The following FNDC3B variants were observed in gnomAD, a reference collection of about 807,000 sequenced individuals.
FNDC3B encodes fibronectin type III domain-containing protein 3B.
FNDC3B carries 12 observed loss-of-function variants against 151.5 expected under a neutral mutation model. The observed-to-expected ratio is 0.08, with a 90% CI of 0.05 to 0.13. The LOEUF (loss-of-function observed/expected upper bound fraction) is 0.13, where lower values mean the gene tolerates loss of function less well. FNDC3B is among the 10% of genes least tolerant of loss of function. FNDC3B has a pLI of 1.00. For synonymous variants in FNDC3B, 528 were observed against 549.0 expected, an observed-to-expected ratio of 0.96 and a Z score of 0.54; for missense variants, 1,214 against 1,505.3, an observed-to-expected ratio of 0.81 and a Z score of 3.20.
In FNDC3B at chr3:172,344,166, G is replaced by A; in HGVS notation, c.2158G>A (p.Val720Met). 1 of 1,614,212 alleles carries A rather than the reference G, an allele frequency of 6.2e-7. No individual in the cohort carries two copies. The highest frequency in any genetic ancestry group is 8.5e-7 in the Non-Finnish European group (1 of 1,180,026). Residue 720 changes from valine (V) to methionine (M), a missense_variant, in exon 19 of 26, where the codon GTG becomes ATG. By Grantham distance (21) the Val-to-Met change is conservative (BLOSUM62 1). Coordinates refer to ENST00000415807, the MANE Select transcript of FNDC3B (RefSeq NM_022763.4). ...GGAGCCCGAAGACGTAGCCTCGGAA[G>A]TGTACCATGGCCCAGAGCTGGAGTG... ...MTEPEDVASE[V>M]YHGPELECTV...
At chr3:172,346,561 TG>T (rs1733626542) in intron 20 of FNDC3B, 121 bp downstream of exon 20, 5 of 601,690 alleles carry the variant, frequency 8.3e-6, no homozygotes, top group African/African-American at 1.9e-5. Flanking sequence ...TTTTTTTTTT[TG>T]CTCTGTGTAC....
At chr3:172,193,615 C>T (rs1724674793) in intron 3 of FNDC3B, among the ~76,000 whole-genome samples, 1 of 151,472 alleles carries the variant, frequency 6.6e-6, no homozygotes, top group Non-Finnish European at 1.5e-5. Context: ...GCCATCCCCA[C>T]TACTGCTGGA....
chr3:172,301,000 G>A (rs956101260), intron 9 of FNDC3B, among the ~76,000 whole-genome samples: 4 of 152,034 alleles, frequency 2.6e-5, no homozygotes, highest in South Asian at 2.1e-4. Context: ...GAATTGCTTC[G>A]GTGAAGCAGC....
chr3:172,159,815 G>C (rs986942103), intron 3 of FNDC3B, among the ~76,000 whole-genome samples: 2 of 152,196 alleles, frequency 1.3e-5, no homozygotes, highest in Non-Finnish European at 2.9e-5. Flanking sequence ...ACTCGTTTGT[G>C]TATTTTAAGA....
chr3:172,055,030 ACT>A (rs566557177), intron 1 of FNDC3B, among the ~76,000 whole-genome samples: 15 of 152,082 alleles, frequency 9.9e-5, no homozygotes, highest in African/African-American at 2.9e-4. Flanking sequence ...AATTGCTTGG[ACT>A]CTCTTCTCTC....
chr3:172,058,271 G>A (rs1486044199), intron 1 of FNDC3B, among the ~76,000 whole-genome samples: 2 of 148,498 alleles, frequency 1.3e-5, no homozygotes, highest in Non-Finnish European at 3.0e-5. Flanking sequence ...TATTCATTAG[G>A]GTAATCAATT....
chr3:172,290,664 C>T lies in FNDC3B; in HGVS notation c.849+4680C>T, dbSNP rs139532450. 1.6e-4 allele frequency among the ~76,000 whole-genome samples: 24 copies of T among 152,214 alleles called. No homozygotes were observed. In the East Asian group the frequency reaches 4.2e-3, roughly 27 times the overall value. On this transcript the variant is annotated intron_variant, in intron 7 of 25. Transcript: ENST00000415807. ...TTCCAGAAGCGAGTAAACTGACCTG[C>T]GAGGAACACTTCCCCTGTAAGAAGC...
At chr3:172,181,904 T>C (rs1476150623) in intron 3 of FNDC3B, among the ~76,000 whole-genome samples, 2 of 151,780 alleles carry the variant, frequency 1.3e-5, no homozygotes, top group African/African-American at 4.8e-5. Flanking sequence ...GATTTCATTA[T>C]GTAGTCTCAG....
At chr3:172,370,198 A>AT (rs1257521258) in intron 23 of FNDC3B, among the ~76,000 whole-genome samples, 1 of 152,028 alleles carries the variant, frequency 6.6e-6, no homozygotes, top group Admixed American at 6.6e-5. Context: ...ATTATCTCTT[A>AT]TTTTCCATCA....
rs576782068 is a variant in FNDC3B, at chr3:172,325,689, G to GACCAGCACGCTGGC, written c.1255-3261_1255-3248dup. 2.1e-3 allele frequency among the ~76,000 whole-genome samples: 315 copies of GACCAGCACGCTGGC among 152,342 alleles called. 2 individuals are homozygous for GACCAGCACGCTGGC. The highest frequency in any genetic ancestry group is 7.2e-3 in the African/African-American group (299 of 41,578). On this transcript the variant is annotated intron_variant, in intron 11 of 25. Coordinates refer to ENST00000415807, the MANE Select transcript of FNDC3B (RefSeq NM_022763.4). The stretch of plus-strand genomic sequence containing the variant: ...GTCGGAGAGCCTGGCGCAGTAGACA[G>GACCAGCACGCTGGC]ACCAGCACGCTGGCATCGGATCACT...
In FNDC3B at chr3:172,180,888, C is replaced by T. The variant is rs576731601; in HGVS notation, c.188-45983C>T. On this transcript the variant is annotated intron_variant, in intron 3 of 25. Transcript: ENST00000415807. The stretch of plus-strand genomic sequence containing the variant: ...CTTGTAGATCCTGTTTCAGTCTCCT[C>T]AGAAGCGGGAAAAATTGGTATCATT... 3.3e-5 allele frequency among the ~76,000 whole-genome samples: 5 copies of T among 152,070 alleles called. No individual in the cohort carries two copies. The South Asian group carries it at 1.0e-3, about 32-fold the overall frequency.
chr3:172,139,099 G>C (rs979743739), intron 3 of FNDC3B, among the ~76,000 whole-genome samples: 1 of 151,910 alleles, frequency 6.6e-6, no homozygotes, highest in Non-Finnish European at 1.5e-5. Flanking sequence ...CCATGTATGA[G>C]TCAGCATCCA....
At chr3:172,249,872 T>C (rs1727978988) in intron 5 of FNDC3B, among the ~76,000 whole-genome samples, 1 of 152,220 alleles carries the variant, frequency 6.6e-6, no homozygotes, top group African/African-American at 2.4e-5. Flanking sequence ...TGTTGAGTAA[T>C]TGAGACAGCA....
chr3:172,210,567 G>A (rs1013539786), intron 3 of FNDC3B, among the ~76,000 whole-genome samples: 4 of 151,072 alleles, frequency 2.6e-5, no homozygotes, highest in Admixed American at 2.0e-4. Flanking sequence ...TTTTGCCCAC[G>A]CTGTTCTCAA....
At chr3:172,207,511 A>C (rs1725492489) in intron 3 of FNDC3B, among the ~76,000 whole-genome samples, 1 of 152,192 alleles carries the variant, frequency 6.6e-6, no homozygotes, top group Non-Finnish European at 1.5e-5. Context: ...GATATATTAA[A>C]ACATGAATAA....
chr3:172,139,853 C>A (rs540468144), intron 3 of FNDC3B, among the ~76,000 whole-genome samples: 1 of 151,702 alleles, frequency 6.6e-6, no homozygotes, highest in Non-Finnish European at 1.5e-5. Flanking sequence ...TGTAGTGGCA[C>A]GATCAGATCA....
intron 4 of FNDC3B, among the ~76,000 whole-genome samples, chr3:172,245,542 GA>G (rs1386035194): frequency 8.6e-5 from 13 of 151,834 alleles, no homozygotes; most frequent in Non-Finnish European, 1.0e-4. Context: ...CAGATCGTAG[GA>G]AAAAAATCAT....
At chr3:172,085,198 A>G (rs142962905) in intron 1 of FNDC3B, among the ~76,000 whole-genome samples, 2 of 152,242 alleles carry the variant, frequency 1.3e-5, no homozygotes, top group Non-Finnish European at 1.5e-5. Context: ...GCTGGGCTTC[A>G]GGATATGGCC....
At chr3:172,362,414 C>T (rs1316041885) in intron 22 of FNDC3B, among the ~76,000 whole-genome samples, 4 of 135,376 alleles carry the variant, frequency 3.0e-5, no homozygotes, top group African/African-American at 5.3e-5. Flanking sequence ...ATCTTGCTAC[C>T]GTGCTTTTTT....
Sources: allele counts gnomAD v4.1 joint callset (sites outside exome capture counted in the v4.1 genomes callset), GRCh38; gene constraint gnomAD v4.1.1; transcripts MANE v1.5; gene names NCBI Gene and HGNC (gene_info 2026-07-23, HGNC 2026-07-21).